Variants in IPPK observed in about 807,000 individuals in gnomAD.
IPPK encodes the protein inositol-pentakisphosphate 2-kinase.
IPPK carries 22 observed loss-of-function variants against 64.6 expected under a neutral mutation model. The observed-to-expected ratio is 0.34, with a 90% CI of 0.24 to 0.49. The LOEUF is 0.49. Ranked by LOEUF, IPPK falls within the 20% of genes least tolerant of loss-of-function variation. IPPK has a pLI of 0.99. For missense variants in IPPK, 532 were observed against 630.7 expected, an observed-to-expected ratio of 0.84 and a Z score of 1.68; for synonymous variants, 262 against 247.2, an observed-to-expected ratio of 1.06 and a Z score of -0.56.
chr9:92,659,018 C>G (rs1373321035), intron 1 of IPPK, among the ~76,000 whole-genome samples: 1 of 152,216 alleles, frequency 6.6e-6, no homozygotes, highest in Non-Finnish European at 1.5e-5. Context: ...ATAAATCACA[C>G]AGTCAGTGAT....
Position 92,642,739 on chromosome 9 carries a change from A to C in IPPK, c.563+13T>G, listed in dbSNP as rs1425225170. On this transcript the variant is annotated intron_variant, in intron 7 of 12. Coordinates refer to ENST00000287996, the MANE Select transcript of IPPK (RefSeq NM_022755.6). ...ACCTGACACAAGGGGGCAAAGGAGA[A>C]GTGTTCTCTTACCCTGAGTAGAGAT... 4.3e-6 allele frequency: 7 copies of C among 1,611,716 alleles called. No homozygotes were observed. The Admixed American group carries it at 6.7e-5, about 15-fold the overall frequency.
intron 11 of IPPK, among the ~76,000 whole-genome samples, chr9:92,631,002 T>A (rs1564030113): frequency 6.6e-6 from 1 of 152,180 alleles, no homozygotes; most frequent in Non-Finnish European, 1.5e-5. Context: ...TCATGTTTTC[T>A]CCATGGCTCC....
At position 92,618,028 on chromosome 9, in the gene IPPK, G is replaced by A. The variant is rs116386917; in HGVS notation, c.1250+1458C>T. 1,584 of 348,894 alleles carry A rather than the reference G, an allele frequency of 4.5e-3. 31 individuals are homozygous for A. Among genetic ancestry groups the A allele is most frequent in the African/African-American group, 0.032 (1,475 of 46,656 alleles). The allele number at this position is 348,894 out of a possible 1,614,324, so 21.6% of individuals were successfully genotyped here. On this transcript the variant is annotated intron_variant, in intron 12 of 12. Transcript: ENST00000287996. ...TCAGGTCTACCAGGTATCTCAAGAC[G>A]CCAAGATGACTCATGATAAATCCCA... is the stretch of plus-strand genomic sequence containing the variant.
At position 92,638,137 on chromosome 9, in the gene IPPK, C is replaced by T. The variant is rs1173203245; in HGVS notation, c.780G>A (p.Glu260=). 1 of 1,614,212 alleles carries T rather than the reference C, an allele frequency of 6.2e-7. No individual in the cohort carries two copies. Among genetic ancestry groups the T allele is most frequent in the Non-Finnish European group, 8.5e-7 (1 of 1,180,040 alleles). Residue 260 remains glutamate, a synonymous_variant, in exon 9 of 13, where the codon GAG becomes GAA. Transcript: ENST00000287996. ...GCACCCGTGTGATCACGTGCACCAG[C>T]TCCCTGATCACAGCCCTTGTGCAGT... is the stretch of plus-strand genomic sequence containing the variant. ...GPHCTRAVIR[E]LVHVITRVLL...
chr9:92,635,342 T>C lies in IPPK; in HGVS notation c.917-34A>G. The C allele has an allele frequency of 5.6e-6, 9 of 1,596,998 alleles. No individual in the cohort carries two copies. Among genetic ancestry groups the C allele is most frequent in the Non-Finnish European group, 7.7e-6 (9 of 1,171,472 alleles). On this transcript the variant is annotated intron_variant, in intron 9 of 12. Transcript: ENST00000287996. This position sits in a 1 kb window ranked among gnomAD's most constrained non-coding sequence, Gnocchi z 4.4. ...AACATCAGGGGAAAACGAGAGCATG[T>C]TGATTATCAAAGAACGTGGAGGGAG...
chr9:92,660,864 A>C (rs1852468675), intron 1 of IPPK, among the ~76,000 whole-genome samples: 1 of 152,262 alleles, frequency 6.6e-6, no homozygotes, highest in Non-Finnish European at 1.5e-5. Flanking sequence ...AAGTTAATTC[A>C]GAAAGCCATT....
intron 6 of IPPK, among the ~76,000 whole-genome samples, chr9:92,644,177 G>C (rs1355003014): frequency 6.6e-6 from 1 of 151,784 alleles, no homozygotes; most frequent in African/African-American, 2.4e-5. Flanking sequence ...TCAGAAAACT[G>C]GTTAAAAAAA....
chr9:92,644,643 G>C (rs1852115576), intron 6 of IPPK, among the ~76,000 whole-genome samples: 1 of 152,140 alleles, frequency 6.6e-6, no homozygotes, highest in African/African-American at 2.4e-5. Context: ...GGTTTCCTTG[G>C]AAGGAAACCC....
intron 11 of IPPK, among the ~76,000 whole-genome samples, chr9:92,628,491 G>T (rs1395138590): frequency 6.6e-6 from 1 of 152,198 alleles, no homozygotes; most frequent in East Asian, 1.9e-4. Context: ...ATGAACAACT[G>T]AGCATCCAGA....
chr9:92,636,251 C>T (rs530844470), intron 9 of IPPK, among the ~76,000 whole-genome samples: 1 of 152,326 alleles, frequency 6.6e-6, no homozygotes, highest in South Asian at 2.1e-4. Context: ...AAAATGCCAA[C>T]ATGCAGGGAA....
chr9:92,634,128 G>A lies in IPPK; in HGVS notation c.1170+258C>T, dbSNP rs146413087. Among the ~76,000 whole-genome samples the A allele has an allele frequency of 7.2e-5, 11 of 152,302 alleles. 1 individual carries two copies. In the East Asian group the frequency reaches 2.1e-3, roughly 29 times the overall value. On this transcript the variant is annotated intron_variant, in intron 11 of 12. Transcript: ENST00000287996. ...AAGGCATGCAGATGGGTTGCAGATC[G>A]GCCGCCCCTGGGGCCTGACCCCACC...
At chr9:92,656,363 T>G in intron 3 of IPPK, 93 bp downstream of exon 3, 3 of 826,374 alleles carry the variant, frequency 3.6e-6, no homozygotes, top group Non-Finnish European at 6.4e-6. Flanking sequence ...ACGCGGGTTA[T>G]CATTAAGCAC....
intron 3 of IPPK, among the ~76,000 whole-genome samples, chr9:92,656,063 G>A (rs2131457117): frequency 6.6e-6 from 1 of 152,304 alleles, no homozygotes. Flanking sequence ...TCCTGGGTGT[G>A]ATAAGCCGAC....
chr9:92,648,437 C>T (rs537437133), intron 5 of IPPK, among the ~76,000 whole-genome samples: 1 of 152,320 alleles, frequency 6.6e-6, no homozygotes, highest in Admixed American at 6.5e-5. Flanking sequence ...TGCTTTCATT[C>T]AAGAATGTGA....
chr9:92,650,503 T>C (rs1852245121), intron 4 of IPPK, among the ~76,000 whole-genome samples: 1 of 151,972 alleles, frequency 6.6e-6, no homozygotes, highest in South Asian at 2.1e-4. Context: ...CAATGCCTGG[T>C]GAGCTTCCTG....
intron 12 of IPPK, chr9:92,618,458 G>A (rs948731946): frequency 5.5e-5 from 25 of 456,510 alleles, no homozygotes; most frequent in Admixed American, 3.3e-4. Flanking sequence ...GTCCTTCAGC[G>A]GCCTTTCACA....
chr9:92,651,243 T>G (rs1167605198), intron 4 of IPPK, among the ~76,000 whole-genome samples: 2 of 152,250 alleles, frequency 1.3e-5, no homozygotes, highest in Non-Finnish European at 2.9e-5. Context: ...TACTGGCTAA[T>G]TCCACACCCT....
At chr9:92,655,337 C>T (rs1268614369) in intron 3 of IPPK, among the ~76,000 whole-genome samples, 6 of 152,224 alleles carry the variant, frequency 3.9e-5, no homozygotes, top group Non-Finnish European at 8.8e-5. Context: ...CAGAGCCCAG[C>T]GGCGTCCTAC....
In IPPK at chr9:92,615,863, T is replaced by C. The variant is rs771589832; in HGVS notation, c.1445A>G (p.Glu482Gly). Reference sequence around the variant, plus strand: ...CTTGTGGAGAACTAATGTGCAATCTTCGCTTTCCTTGAACCGAGTCGACAT... The same window carrying C: ...CTTGTGGAGAACTAATGTGCAATCTCCGCTTTCCTTGAACCGAGTCGACAT... The part of the protein sequence containing the change: ...AVMSTRFKES[E>G]DCTLVLHKV Residue 482 changes from glutamate (E) to glycine (G), a missense_variant, in exon 13 of 13, where the codon GAA becomes GGA. Physicochemically the swap from Glu to Gly is moderately conservative, Grantham distance 98. Coordinates refer to ENST00000287996, the MANE Select transcript of IPPK (RefSeq NM_022755.6). 3.1e-6 allele frequency: 5 copies of C among 1,614,118 alleles called. No individual in the cohort carries two copies. Among genetic ancestry groups the C allele is most frequent in the Non-Finnish European group, 4.2e-6 (5 of 1,179,960 alleles).
Sources: allele counts gnomAD v4.1 joint callset (sites outside exome capture counted in the v4.1 genomes callset), GRCh38; gene constraint gnomAD v4.1.1; non-coding constraint Gnocchi (gnomAD v3.1); transcripts MANE v1.5; gene names NCBI Gene and HGNC (gene_info 2026-07-23, HGNC 2026-07-21).